PIK3CD: variants seen among roughly 807,000 people sequenced by gnomAD.
PIK3CD encodes phosphatidylinositol-4,5-bisphosphate 3-kinase catalytic subunit delta.
Under a neutral mutation model 122.9 loss-of-function variants are expected in PIK3CD, and 20 were observed. The observed-to-expected ratio is 0.16, with a 90% CI of 0.11 to 0.24. The LOEUF (loss-of-function observed/expected upper bound fraction) is 0.24, where lower values mean the gene tolerates loss of function less well. PIK3CD is among the 10% of genes least tolerant of loss of function. The pLI, the probability that PIK3CD is intolerant of heterozygous loss-of-function variation, is 1.00. For synonymous variants in PIK3CD, 596 were observed against 593.4 expected (o/e 1.00, Z -0.06); for missense variants, 787 against 1,406.3 (o/e 0.56, Z 7.04).
At position 9,724,713 on chromosome 1, in the gene PIK3CD, CTTGGGGAAGGGGCTGG is replaced by C; in HGVS notation, c.2865-86_2865-71del. The C allele has an allele frequency of 1.3e-6, 2 of 1,545,064 alleles. No individual in the cohort carries two copies. The highest frequency in any genetic ancestry group is 2.2e-5 in the South Asian group (2 of 89,370). On this transcript the variant is annotated intron_variant, in intron 22 of 23. Transcript: ENST00000377346. This position sits in a 1 kb window ranked among gnomAD's most constrained non-coding sequence, Gnocchi z 7.3. ...CATTATCAGGGCAAGGGCAGGTGTC[CTTGGGGAAGGGGCTGG>C]TTGGATGCAGAGCGGCCCTCTGGCC...
At chr1:9,643,473 AAGG>A in the PIK3CD span, among the ~76,000 whole-genome samples, 1 of 102,944 alleles carries the variant, frequency 9.7e-6, no homozygotes. Context: ...GGAGGGAAGG[AAGG>A]GAGGGAGGGA....
chr1:9,693,498 G>C (rs914918668), intron 2 of PIK3CD, among the ~76,000 whole-genome samples: 34 of 152,162 alleles, frequency 2.2e-4, no homozygotes, highest in African/African-American at 6.0e-4. Context: ...CTCCCAAAGA[G>C]CTGGGATTAC....
chr1:9,661,896 T>C (rs1268957140), intron 1 of PIK3CD, among the ~76,000 whole-genome samples: 1 of 152,034 alleles, frequency 6.6e-6, no homozygotes, highest in Admixed American at 6.6e-5. Context: ...CTTGGGAGGC[T>C]GAGGCAGGAC....
At chr1:9,662,198 A>T (rs373120629) in intron 1 of PIK3CD, 3 of 152,302 alleles carry the variant, frequency 2.0e-5, no homozygotes, top group Non-Finnish European at 1.5e-5. Context: ...AGGTCTTGCT[A>T]TGTTGCCCAG....
intron 1 of PIK3CD, among the ~76,000 whole-genome samples, chr1:9,660,587 A>G (rs2100816546): frequency 6.6e-6 from 1 of 152,280 alleles, no homozygotes; most frequent in South Asian, 2.1e-4. Flanking sequence ...TAGTCATACC[A>G]TCGTCCTTCC....
At chr1:9,634,862 T>C in the PIK3CD span, among the ~76,000 whole-genome samples, 1 of 152,222 alleles carries the variant, frequency 6.6e-6, no homozygotes, top group Non-Finnish European at 1.5e-5. Context: ...AGAGAGTTTA[T>C]ACTGAGCTGA....
upstream of PIK3CD, among the ~76,000 whole-genome samples, chr1:9,647,413 A>G (rs192400648): frequency 7.9e-5 from 12 of 151,586 alleles, no homozygotes; most frequent in African/African-American, 2.7e-4. Context: ...ATAAAACAAT[A>G]ATCATCTTTT....
At chr1:9,698,851 G>A (rs1435044685) in intron 2 of PIK3CD, among the ~76,000 whole-genome samples, 1 of 151,930 alleles carries the variant, frequency 6.6e-6, no homozygotes, top group African/African-American at 2.4e-5. Context: ...TTTTTTTCAG[G>A]GTAGTTAGCT....
intron 23 of PIK3CD, among the ~76,000 whole-genome samples, chr1:9,725,984 G>A (rs1254250278): frequency 6.6e-6 from 1 of 152,160 alleles, no homozygotes; most frequent in Non-Finnish European, 1.5e-5. Flanking sequence ...GGCTGAGGCA[G>A]GTGGATCACC....
chr1:9,678,477 C>G (rs1375862774), intron 1 of PIK3CD, among the ~76,000 whole-genome samples: 2 of 152,060 alleles, frequency 1.3e-5, no homozygotes, highest in African/African-American at 4.8e-5. Flanking sequence ...GAAAAAAACT[C>G]CATCTTCCAC....
At chr1:9,631,509 A>G in the PIK3CD span, among the ~76,000 whole-genome samples, 4 of 152,220 alleles carry the variant, frequency 2.6e-5, no homozygotes, top group African/African-American at 9.6e-5. Flanking sequence ...ACAAAAAATT[A>G]TCTGGGCATG....
At chr1:9,657,220 G>T (rs984157957) in intron 1 of PIK3CD, among the ~76,000 whole-genome samples, 1 of 152,146 alleles carries the variant, frequency 6.6e-6, no homozygotes, top group East Asian at 1.9e-4. Flanking sequence ...AGATAATTCA[G>T]ATAGAAATCA....
In PIK3CD at chr1:9,717,024, C is replaced by T; in HGVS notation, c.846C>T (p.Ile282=). 6.2e-7 allele frequency: 1 copy of T among 1,613,986 alleles called. No homozygotes were observed. The highest frequency in any genetic ancestry group is 1.3e-5 in the African/African-American group (1 of 75,040). ...PHLTMVHSSS[I]LAMRDEQSNP... ...TGACCATGGTCCATTCCTCCTCCATCCTCGCCATGCGGGATGAGCAGAGCA... is the reference window on the plus strand; with the variant it reads ...TGACCATGGTCCATTCCTCCTCCATTCTCGCCATGCGGGATGAGCAGAGCA... Residue 282 remains isoleucine, a synonymous_variant, in exon 7 of 24, where the codon ATC becomes ATT. Transcript: ENST00000377346. This position sits in a 1 kb window ranked among gnomAD's most constrained non-coding sequence, Gnocchi z 5.4.
Position 9,724,185 on chromosome 1 carries a change from G to T in PIK3CD, c.2719-91G>T. The T allele has an allele frequency of 6.2e-7, 1 of 1,613,258 alleles. No homozygotes were observed. Among genetic ancestry groups the T allele is most frequent in the Non-Finnish European group, 8.5e-7 (1 of 1,179,842 alleles). The stretch of plus-strand genomic sequence containing the variant: ...GCCTAGCACACAGCTCTGTGGCAGG[G>T]GTCCCCCAGCCCTGCTGGCTTCCTG... On this transcript the variant is annotated intron_variant, in intron 21 of 23. Coordinates refer to ENST00000377346, the MANE Select transcript of PIK3CD (RefSeq NM_005026.5). The surrounding 1 kb of genome is among the most constrained non-coding windows in gnomAD (Gnocchi z 7.3).
chr1:9,669,137 G>A (rs1645247536), intron 1 of PIK3CD, among the ~76,000 whole-genome samples: 2 of 152,132 alleles, frequency 1.3e-5, no homozygotes, highest in Admixed American at 1.3e-4. Context: ...TGCCCATAAT[G>A]CCTGCTCTTG....
At chr1:9,712,762 A>G (rs975042051) in intron 3 of PIK3CD, among the ~76,000 whole-genome samples, 1 of 151,952 alleles carries the variant, frequency 6.6e-6, no homozygotes, top group Non-Finnish European at 1.5e-5. Flanking sequence ...AAGGCCTGGC[A>G]TGGTGGCTCA....
At chr1:9,690,830 G>C (rs1223608848) in intron 1 of PIK3CD, among the ~76,000 whole-genome samples, 1 of 152,208 alleles carries the variant, frequency 6.6e-6, no homozygotes, top group African/African-American at 2.4e-5. Flanking sequence ...TGTGGAGGTA[G>C]CTATGCCCAG....
At chr1:9,721,422 C>T (rs1237401050) in intron 14 of PIK3CD, 22 bp from the exon 15 acceptor site, 1 of 1,612,728 alleles carries the variant, frequency 6.2e-7, no homozygotes, top group Non-Finnish European at 8.5e-7. Context: ...GCTCCAGGCC[C>T]CAGCGCCTTC....
the PIK3CD span, among the ~76,000 whole-genome samples, chr1:9,640,855 G>T: frequency 6.6e-6 from 1 of 152,138 alleles, no homozygotes; most frequent in African/African-American, 2.4e-5. Flanking sequence ...CCCAACTTGG[G>T]CCTCCCTGCC....
Sources: gnomAD v4.1 joint callset for allele counts (sites outside exome capture counted in the v4.1 genomes callset) on GRCh38, gnomAD v4.1.1 for gene constraint, Gnocchi (gnomAD v3.1) non-coding constraint, MANE v1.5 for transcripts, NCBI Gene and HGNC (gene_info 2026-07-23, HGNC 2026-07-21) for gene names.